OR2L3: variants seen among roughly 807,000 people sequenced by gnomAD.
The protein encoded by OR2L3 is olfactory receptor 2L3.
For missense variants in OR2L3, 369 were observed against 376.6 expected (o/e 0.98, Z 0.17); for synonymous variants, 131 against 139.1 (o/e 0.94, Z 0.41).
At chr1:248,050,671 G>A (rs930349789) in intron 1 of OR2L3, among the ~76,000 whole-genome samples, 2 of 152,084 alleles carry the variant, frequency 1.3e-5, no homozygotes, top group African/African-American at 4.8e-5. Context: ...GTCATAGAGA[G>A]TCCTATGTAA....
chr1:248,049,383 C>G (rs368157294), intron 1 of OR2L3, among the ~76,000 whole-genome samples: 2 of 152,204 alleles, frequency 1.3e-5, no homozygotes, highest in Admixed American at 6.5e-5. Flanking sequence ...TCATTTGAAA[C>G]TTGGGCAGCA....
At position 248,063,040 on chromosome 1, in the gene OR2L3, G is replaced by GT. The variant is rs1240026869; in HGVS notation, c.*1426dup. On this transcript the variant is annotated 3_prime_UTR_variant, in exon 2 of 2. Transcript: ENST00000359959. Reference sequence around the variant, plus strand: ...TTGAAGTTTGGTACTCATGCCTCCAGTTTTTTCTTTTTATTCTACAGTGCT... The same window carrying GT: ...TTGAAGTTTGGTACTCATGCCTCCAGTTTTTTTCTTTTTATTCTACAGTGCT... 6.6e-6 allele frequency: 1 copy of GT among 152,092 alleles called. No individual in the cohort carries two copies. 9.4% of individuals were successfully genotyped at this position (152,092 alleles called of 1,614,324 possible).
chr1:248,053,671 CT>C (rs1356245881), intron 1 of OR2L3, among the ~76,000 whole-genome samples: 1 of 152,132 alleles, frequency 6.6e-6, no homozygotes, highest in Non-Finnish European at 1.5e-5. Context: ...CAGATGGTAT[CT>C]AATTATGGTT....
intron 1 of OR2L3, among the ~76,000 whole-genome samples, chr1:248,055,637 G>A (rs1020514448): frequency 4.6e-5 from 7 of 152,300 alleles, no homozygotes; most frequent in African/African-American, 1.7e-4. Context: ...TGTGCCTGTT[G>A]TTCCAGCTAC....
At chr1:248,056,226 G>A (rs931978829) in intron 1 of OR2L3, among the ~76,000 whole-genome samples, 1 of 151,752 alleles carries the variant, frequency 6.6e-6, no homozygotes, top group Non-Finnish European at 1.5e-5. Flanking sequence ...CAACGTGCAG[G>A]TTAGTTACAT....
intron 1 of OR2L3, among the ~76,000 whole-genome samples, chr1:248,048,913 TTC>T (rs1175739476): frequency 1.4e-5 from 2 of 138,426 alleles, no homozygotes; most frequent in African/African-American, 3.3e-5. Flanking sequence ...TTCTTTCCTT[TTC>T]TCTCTCTCTT....
In OR2L3 at chr1:248,060,925, T is replaced by C. The variant is rs146249174; in HGVS notation, c.244T>C (p.Ser82Pro). The part of the protein sequence containing the change: ...YISTIVPKMA[S>P]DFLSGNKSIS... ...CTCCACCATTGTTCCTAAGATGGCA[T>C]CTGATTTTCTGTCTGGTAACAAGTC... The change falls in exon 2 of 2, where the codon TCT becomes CCT. Residue 82 changes from serine to proline, a missense_variant. Transcript: ENST00000359959. The C allele has an allele frequency of 0.013, 21,739 of 1,613,954 alleles. 196 individuals carry two copies. Among genetic ancestry groups the C allele is most frequent in the Non-Finnish European group, 0.017 (19,857 of 1,179,866 alleles).
chr1:248,048,774 C>T (rs1018075220), intron 1 of OR2L3, among the ~76,000 whole-genome samples: 4 of 152,076 alleles, frequency 2.6e-5, no homozygotes, highest in Non-Finnish European at 4.4e-5. Context: ...CTTCAGAAGA[C>T]AGGAAGTAAA....
At chr1:248,054,437 C>G (rs1000264473) in intron 1 of OR2L3, among the ~76,000 whole-genome samples, 3 of 151,886 alleles carry the variant, frequency 2.0e-5, no homozygotes, top group Non-Finnish European at 4.4e-5. Context: ...TTTTTTGGTT[C>G]CATATGATTT....
chr1:248,055,575 G>A (rs1558200934), intron 1 of OR2L3, among the ~76,000 whole-genome samples: 1 of 152,124 alleles, frequency 6.6e-6, no homozygotes, highest in Admixed American at 6.6e-5. Flanking sequence ...GGCCAACTTC[G>A]TGAAACCCTA....
chr1:248,049,088 G>A (rs1663176339), intron 1 of OR2L3, among the ~76,000 whole-genome samples: 1 of 152,042 alleles, frequency 6.6e-6, no homozygotes, highest in South Asian at 2.1e-4. Context: ...GTGCCTCCGT[G>A]GAAAACTGCA....
intron 1 of OR2L3, among the ~76,000 whole-genome samples, chr1:248,058,116 A>G (rs1397368186): frequency 2.0e-5 from 3 of 152,182 alleles, no homozygotes; most frequent in Non-Finnish European, 4.4e-5. Flanking sequence ...CAACTGTCAC[A>G]TAATTTTTAC....
chr1:248,061,748 T>A lies in OR2L3; in HGVS notation c.*128T>A. The stretch of plus-strand genomic sequence containing the variant: ...AATCAAGGTAAGAGAAAAAAATCAC[T>A]GATTTCTGGACAAAATTGTTTTACA... On this transcript the variant is annotated 3_prime_UTR_variant, in exon 2 of 2. Transcript: ENST00000359959. 1.2e-6 allele frequency: 1 copy of A among 846,078 alleles called. No individual in the cohort carries two copies. Among genetic ancestry groups the A allele is most frequent in the Non-Finnish European group, 1.7e-6 (1 of 574,862 alleles). 52.4% of individuals were successfully genotyped at this position (846,078 alleles called of 1,614,324 possible).
At chr1:248,050,263 G>GA (rs1226017285) in intron 1 of OR2L3, among the ~76,000 whole-genome samples, 4,972 of 142,866 alleles carry the variant, frequency 0.035, 239 homozygotes, top group African/African-American at 0.12. Context: ...AATTTTTAGT[G>GA]AAAAAAAAAA....
chr1:248,061,338 G>A lies in OR2L3; in HGVS notation c.657G>A (p.Arg219=). Residue 219 remains arginine, a synonymous_variant, in exon 2 of 2, where the codon CGG becomes CGA. Transcript: ENST00000359959. Reference sequence around the variant, plus strand: ...TTGCTATTTCATGTTCCTATGGCCGGGTTCTCCTTGCTGTCTACCACATGA... The same window carrying A: ...TTGCTATTTCATGTTCCTATGGCCGAGTTCTCCTTGCTGTCTACCACATGA... ...PFIAISCSYG[R]VLLAVYHMKS... is the part of the protein sequence containing the mutation. The A allele has an allele frequency of 6.2e-7, 1 of 1,613,834 alleles. No individual in the cohort carries two copies.
chr1:248,049,388 G>A (rs188258226), intron 1 of OR2L3, among the ~76,000 whole-genome samples: 2 of 152,300 alleles, frequency 1.3e-5, no homozygotes, highest in East Asian at 3.9e-4. Flanking sequence ...TGAAACTTGG[G>A]CAGCATTTGG....
intron 1 of OR2L3, among the ~76,000 whole-genome samples, chr1:248,050,339 T>G (rs1004846851): frequency 3.3e-5 from 5 of 152,158 alleles, no homozygotes; most frequent in Admixed American, 6.6e-5. Context: ...ATTCTGTTAA[T>G]ACAAAAGTAA....
chr1:248,063,274 T>C lies in OR2L3; in HGVS notation c.*1654T>C, dbSNP rs1423693526. On this transcript the variant is annotated 3_prime_UTR_variant, in exon 2 of 2. Transcript: ENST00000359959. ...TTCATTTTCTTTCACCAGTGATTTG[T>C]ACAAATACATTCTAGTGTTCTCTTC... 1 of 152,262 alleles carries C rather than the reference T, an allele frequency of 6.6e-6. No homozygotes were observed. Among genetic ancestry groups the C allele is most frequent in the Non-Finnish European group, 1.5e-5 (1 of 68,040 alleles). 9.4% of individuals were successfully genotyped at this position (152,262 alleles called of 1,614,324 possible).
chr1:248,050,297 C>T (rs1025949284), intron 1 of OR2L3, among the ~76,000 whole-genome samples: 1 of 151,600 alleles, frequency 6.6e-6, no homozygotes, highest in African/African-American at 2.4e-5. Flanking sequence ...GAAGATGTTT[C>T]TTAATAGGCT....
Sources: allele counts gnomAD v4.1 joint callset (sites outside exome capture counted in the v4.1 genomes callset), GRCh38; gene constraint gnomAD v4.1.1; transcripts MANE v1.5; gene names NCBI Gene and HGNC (gene_info 2026-07-23, HGNC 2026-07-21).